TM4SF19: variants seen among roughly 807,000 people sequenced by gnomAD.
TM4SF19 encodes transmembrane 4 L6 family member 19.
In TM4SF19, 17 loss-of-function variants were observed where a neutral mutation model predicts 21.8. The observed-to-expected ratio is 0.78, with a 90% CI of 0.53 to 1.17. TM4SF19 has a LOEUF of 1.17. Among genes scored for constraint, TM4SF19 ranks in the 50% most tolerant of loss-of-function variants. TM4SF19 has a pLI of 0.00. For synonymous variants in TM4SF19, 107 were observed against 106.7 expected (o/e 1.00, Z -0.02); for missense variants, 216 against 252.1 (o/e 0.86, Z 0.97).
chr3:196,324,687 C>T (rs1727216037), intron 3 of TM4SF19: 1 of 503,092 alleles, frequency 2.0e-6, no homozygotes, highest in South Asian at 2.8e-5. Context: ...GAGAAAGGAC[C>T]AAGAAGCAGA....
At chr3:196,334,415 C>T (rs529696308) in intron 1 of TM4SF19, among the ~76,000 whole-genome samples, 1 of 150,712 alleles carries the variant, frequency 6.6e-6, no homozygotes, top group African/African-American at 2.4e-5. Context: ...TGCTCTGTCT[C>T]CCAGGCTGGA....
rs1727254772 is a variant in TM4SF19, at chr3:196,325,623, G to T, written c.280-1183C>A. The T allele has an allele frequency of 6.6e-6, 1 of 152,224 alleles. No individual in the cohort carries two copies. 9.4% of individuals were successfully genotyped at this position (152,224 alleles called of 1,614,324 possible). A position where few individuals can be genotyped will look rare whatever the true frequency, so the allele number is the denominator to read the frequency against. On this transcript the variant is annotated intron_variant, in intron 3 of 4. Coordinates refer to ENST00000273695, the MANE Select transcript of TM4SF19 (RefSeq NM_138461.4). This position sits in a 1 kb window ranked among gnomAD's most constrained non-coding sequence, Gnocchi z 4.3. ...AGAGTCATGGAGTCATTCTCCCACT[G>T]AGGTCAAGCTGGTTTGGAGTTGGGG...
At chr3:196,327,327 AC>A in intron 2 of TM4SF19, 62 bp downstream of exon 2, 1 of 1,509,636 alleles carries the variant, frequency 6.6e-7, no homozygotes, top group Non-Finnish European at 9.1e-7. Flanking sequence ...TTCCCATGCC[AC>A]CTTCCTGCTC....
intron 2 of TM4SF19, 70 bp downstream of exon 2, chr3:196,327,320 C>A: frequency 6.9e-7 from 1 of 1,459,204 alleles, no homozygotes; most frequent in Non-Finnish European, 9.5e-7. Flanking sequence ...AACACTCTTC[C>A]CATGCCACCT....
rs1727258336 is a variant in TM4SF19 at position 196,325,709 on chromosome 3, C to A, written c.279+1246G>T. ...CTGAGTTAAAGGAGTCAAGATGAAT[C>A]AGTAAGCCTAGGGCAGTGGTTCCCA... is the stretch of plus-strand genomic sequence containing the variant. On this transcript the variant is annotated intron_variant, in intron 3 of 4. Coordinates refer to ENST00000273695, the MANE Select transcript of TM4SF19 (RefSeq NM_138461.4). The surrounding 1 kb of genome is among the most constrained non-coding windows in gnomAD (Gnocchi z 4.3). The A allele has an allele frequency of 2.0e-5, 3 of 152,162 alleles. No homozygotes were observed. The highest frequency in any genetic ancestry group is 6.6e-5 in the Admixed American group (1 of 15,258). 9.4% of individuals were successfully genotyped at this position (152,162 alleles called of 1,614,324 possible). A position where few individuals can be genotyped will look rare whatever the true frequency, so the allele number is the denominator to read the frequency against.
chr3:196,323,624 C>G lies in TM4SF19; in HGVS notation c.*193G>C. 9.5e-7 allele frequency: 1 copy of G among 1,048,752 alleles called. No individual in the cohort carries two copies. The highest frequency in any genetic ancestry group is 1.6e-5 in the African/African-American group (1 of 62,336). The allele number at this position is 1,048,752 out of a possible 1,614,324, so 65.0% of individuals were successfully genotyped here. ...TTAGTTATTTATCCTATCCATGGAT[C>G]ACCTGGAAGTTTACAATGTGATTTA... On this transcript the variant is annotated 3_prime_UTR_variant, in exon 5 of 5. Coordinates refer to ENST00000273695, the MANE Select transcript of TM4SF19 (RefSeq NM_138461.4).
At chr3:196,324,471 A>T (rs1396612364) in intron 3 of TM4SF19, 31 bp from the exon 4 acceptor site, 1 of 1,611,240 alleles carries the variant, frequency 6.2e-7, no homozygotes, top group Admixed American at 1.7e-5. Context: ...CTGAGCTAAG[A>T]CGGGGTCGCA....
At chr3:196,337,687 C>T (rs1006848556) in intron 1 of TM4SF19, among the ~76,000 whole-genome samples, 1 of 152,182 alleles carries the variant, frequency 6.6e-6, no homozygotes, top group Non-Finnish European at 1.5e-5. Context: ...GGCAGGCAGG[C>T]GCCAAGTCAA....
chr3:196,333,349 A>T (rs1727599874), intron 1 of TM4SF19, among the ~76,000 whole-genome samples: 1 of 152,254 alleles, frequency 6.6e-6, no homozygotes, highest in African/African-American at 2.4e-5. Flanking sequence ...ACATATCTGT[A>T]ATAAAGTTTA....
chr3:196,330,160 T>C (rs1727452543), intron 1 of TM4SF19, among the ~76,000 whole-genome samples: 1 of 149,862 alleles, frequency 6.7e-6, no homozygotes, highest in African/African-American at 2.4e-5. Context: ...GGGGTTTTTT[T>C]AGAGATGCAG....
chr3:196,336,151 T>G (rs1381243737), intron 1 of TM4SF19, among the ~76,000 whole-genome samples: 2 of 152,112 alleles, frequency 1.3e-5, no homozygotes, highest in African/African-American at 2.4e-5. Flanking sequence ...TTTTGTTTTT[T>G]TTTTGAGACA....
chr3:196,324,047 C>T, intron 4 of TM4SF19, 50 bp from the exon 5 acceptor site: 1 of 1,596,658 alleles, frequency 6.3e-7, no homozygotes, highest in Non-Finnish European at 8.5e-7. Flanking sequence ...GTAAGGAAAG[C>T]CAAACAGGCA....
rs1427015337 is a variant in TM4SF19, at chr3:196,325,587, C to T, written c.280-1147G>A. The T allele has an allele frequency of 2.0e-5, 3 of 152,156 alleles. No individual in the cohort carries two copies. The highest frequency in any genetic ancestry group is 2.1e-4 in the South Asian group (1 of 4,824). 9.4% of individuals were successfully genotyped at this position (152,156 alleles called of 1,614,324 possible). A position where few individuals can be genotyped will look rare whatever the true frequency, so the allele number is the denominator to read the frequency against. On this transcript the variant is annotated intron_variant, in intron 3 of 4. Transcript: ENST00000273695. The surrounding 1 kb of genome is among the most constrained non-coding windows in gnomAD (Gnocchi z 4.3). ...AAAAATGTGAATAACACCTACATAG[C>T]GTTTTTCTGCAGAGTCATGGAGTCA... is the stretch of plus-strand genomic sequence containing the variant.
Position 196,327,492 on chromosome 3 carries a change from G to T in TM4SF19, c.99C>A (p.Asn33Lys). The part of the protein sequence containing the change: ...GTAALFAAGA[N>K]VALLLPNWDV... The stretch of plus-strand genomic sequence containing the variant: ...CCCAGTTAGGAAGGAGGAGTGCCAC[G>T]TTGGCCCCAGCAGCAAACAGGGCTG... The change falls in exon 2 of 5, where the codon AAC becomes AAA. Residue 33 changes from asparagine (N) to lysine (K), a missense_variant. Physicochemically the swap from Asn to Lys is moderately conservative, Grantham distance 94. Transcript: ENST00000273695. 1 of 1,614,154 alleles carries T rather than the reference G, an allele frequency of 6.2e-7. No individual in the cohort carries two copies. The highest frequency in any genetic ancestry group is 8.5e-7 in the Non-Finnish European group (1 of 1,180,042).
At chr3:196,335,566 C>T (rs1478345283) in intron 1 of TM4SF19, among the ~76,000 whole-genome samples, 1 of 150,392 alleles carries the variant, frequency 6.6e-6, no homozygotes, top group Non-Finnish European at 1.5e-5. Context: ...GCAACAGTGA[C>T]TCCTACCCCA....
In TM4SF19 at chr3:196,324,345, G is replaced by C; in HGVS notation, c.375C>G (p.Cys125Trp). The change falls in exon 4 of 5, where the codon TGC becomes TGG. Residue 125 changes from cysteine to tryptophan, a missense_variant. Transcript: ENST00000273695. ...GATTGAAGGATGAAACATCAAACAT[G>C]CAAAAAGGACCATCTTTCAGAGCAA... Reference protein sequence around the residue: ...SGVALKDGPFCMFDVSSFNQT... With the variant: ...SGVALKDGPFWMFDVSSFNQT... 1 of 1,614,088 alleles carries C rather than the reference G, an allele frequency of 6.2e-7. No homozygotes were observed. The highest frequency in any genetic ancestry group is 8.5e-7 in the Non-Finnish European group (1 of 1,180,018).
At chr3:196,328,387 G>A (rs1356421636) in intron 1 of TM4SF19, among the ~76,000 whole-genome samples, 3 of 151,922 alleles carry the variant, frequency 2.0e-5, no homozygotes, top group East Asian at 3.8e-4. Flanking sequence ...GAATTAACAG[G>A]TGAGTTTAGC....
chr3:196,336,091 A>G (rs1368181041), intron 1 of TM4SF19, among the ~76,000 whole-genome samples: 1 of 151,536 alleles, frequency 6.6e-6, no homozygotes, highest in Non-Finnish European at 1.5e-5. Flanking sequence ...TCTACAGAAA[A>G]CGTTCCCATC....
chr3:196,324,214 T>C (rs1727190823), intron 4 of TM4SF19, 57 bp downstream of exon 4: 1 of 1,557,376 alleles, frequency 6.4e-7, no homozygotes, highest in Non-Finnish European at 8.8e-7. Context: ...GTGTGTCTTT[T>C]TGTCTCTCTC....
Sources: allele counts gnomAD v4.1 joint callset (sites outside exome capture counted in the v4.1 genomes callset), GRCh38; gene constraint gnomAD v4.1.1; non-coding constraint Gnocchi (gnomAD v3.1); transcripts MANE v1.5; gene names NCBI Gene and HGNC (gene_info 2026-07-23, HGNC 2026-07-21).